ATAD3A: variants seen among roughly 807,000 people sequenced by gnomAD.
The protein encoded by ATAD3A is ATPase family AAA domain-containing protein 3A.
ATAD3A carries 46 observed loss-of-function variants against 73.8 expected under a neutral mutation model. The observed-to-expected ratio is 0.62, with a 90% CI of 0.49 to 0.80. The LOEUF is 0.80. Among genes scored for constraint, ATAD3A ranks in the 30% least tolerant of loss-of-function variants. The pLI, the probability that ATAD3A is intolerant of heterozygous loss-of-function variation, is 0.00. For synonymous variants in ATAD3A, 319 were observed against 350.0 expected, an observed-to-expected ratio of 0.91 and a Z score of 0.99; for missense variants, 705 against 838.0, an observed-to-expected ratio of 0.84 and a Z score of 1.96.
intron 5 of ATAD3A, among the ~76,000 whole-genome samples, 155 bp downstream of exon 5, chr1:1,519,145 C>A (rs531377419): frequency 6.6e-6 from 1 of 151,662 alleles, no homozygotes; most frequent in Non-Finnish European, 1.5e-5. Context: ...GGCTGCCTCT[C>A]GGAAGACACC....
Position 1,523,900 on chromosome 1 carries a change from G to T in ATAD3A, c.1025G>T (p.Arg342Leu), listed in dbSNP as rs771376142. The change falls in exon 10 of 16, where the codon CGC becomes CTC. Residue 342 changes from arginine (R) to leucine (L), a missense_variant. By Grantham distance (102) the Arg-to-Leu change is moderately radical (BLOSUM62 -2). Coordinates refer to ENST00000378756, the MANE Select transcript of ATAD3A (RefSeq NM_001170535.3). This position sits in a 1 kb window ranked among gnomAD's most constrained non-coding sequence, Gnocchi z 5.1. ...AIATRNTKKNRSLYRNILMYG... is the reference protein window; with the variant it reads ...AIATRNTKKNLSLYRNILMYG... ...GCAACAAGGAACACCAAGAAGAACC[G>T]CAGCCTGTACAGGAACATCCTGATG... The T allele has an allele frequency of 6.2e-7, 1 of 1,613,934 alleles. No homozygotes were observed. The highest frequency in any genetic ancestry group is 8.5e-7 in the Non-Finnish European group (1 of 1,180,024).
At position 1,520,626 on chromosome 1, in the gene ATAD3A, A is replaced by G; in HGVS notation, c.750+9A>G. On this transcript the variant is annotated intron_variant, in intron 7 of 15. Coordinates refer to ENST00000378756, the MANE Select transcript of ATAD3A (RefSeq NM_001170535.3). The surrounding 1 kb of genome is among the most constrained non-coding windows in gnomAD (Gnocchi z 4.0). ...ACAAAGTGACAGCCACGGTAAACAT[A>G]CTCATAAAACAGGGCTGGCAGGTGG... 2 of 1,613,160 alleles carry G rather than the reference A, an allele frequency of 1.2e-6. No individual in the cohort carries two copies. The highest frequency in any genetic ancestry group is 1.7e-6 in the Non-Finnish European group (2 of 1,179,832).
At chr1:1,529,973 A>G (rs879500034) in intron 15 of ATAD3A, among the ~76,000 whole-genome samples, 4 of 152,234 alleles carry the variant, frequency 2.6e-5, no homozygotes, top group Non-Finnish European at 4.4e-5. Context: ...CACAGGCATC[A>G]CCACCTCTGG....
intron 7 of ATAD3A, among the ~76,000 whole-genome samples, chr1:1,522,103 G>A (rs1240404923): frequency 2.0e-5 from 3 of 151,814 alleles, no homozygotes; most frequent in South Asian, 2.1e-4. Flanking sequence ...GTAGTGGCGC[G>A]GGTCCAGCTC....
chr1:1,524,276 C>G lies in ATAD3A; in HGVS notation c.1093C>G (p.Leu365Val). 1 of 1,613,940 alleles carries G rather than the reference C, an allele frequency of 6.2e-7. No homozygotes were observed. Among genetic ancestry groups the G allele is most frequent in the Non-Finnish European group, 8.5e-7 (1 of 1,179,850 alleles). Residue 365 changes from leucine to valine, a missense_variant, in exon 11 of 16, where the codon CTC becomes GTC. Around this residue, in one of 5 missense-constraint regions of ATAD3A, gnomAD observed 315 missense variants for 334.1 expected, o/e 0.94. Coordinates refer to ENST00000378756, the MANE Select transcript of ATAD3A (RefSeq NM_001170535.3). ...GTGKTLFAKK[L>V]ALHSGMDYAI... is the part of the protein sequence containing the mutation. Reference sequence around the variant, plus strand: ...TCCCCTCACTCTTCCTGTCCAGAAACTCGCCCTGCACTCAGGCATGGACTA... The same window carrying G: ...TCCCCTCACTCTTCCTGTCCAGAAAGTCGCCCTGCACTCAGGCATGGACTA...
chr1:1,514,157 A>G (rs888174735), intron 1 of ATAD3A, among the ~76,000 whole-genome samples: 5 of 152,168 alleles, frequency 3.3e-5, no homozygotes, highest in Non-Finnish European at 7.3e-5. Context: ...GAGAGGCCAC[A>G]CGGGCACCTG....
At chr1:1,521,706 T>G (rs1188938280) in intron 7 of ATAD3A, among the ~76,000 whole-genome samples, 2 of 152,198 alleles carry the variant, frequency 1.3e-5, no homozygotes, top group East Asian at 3.8e-4. Flanking sequence ...TGACTTTTGT[T>G]TGTTTGTTTT....
rs562374256 is a variant in ATAD3A, at chr1:1,523,146, G to A, written c.906+247G>A. On this transcript the variant is annotated intron_variant, in intron 8 of 15. Coordinates refer to ENST00000378756, the MANE Select transcript of ATAD3A (RefSeq NM_001170535.3). The surrounding 1 kb of genome is among the most constrained non-coding windows in gnomAD (Gnocchi z 5.1). Reference sequence around the variant, plus strand: ...TCTTGATGGGGCCTGGGAGCACATCGGGGTCCTTGCAAGACCCGGGACTTG... The same window carrying A: ...TCTTGATGGGGCCTGGGAGCACATCAGGGTCCTTGCAAGACCCGGGACTTG... Among the ~76,000 whole-genome samples, 7 of 151,924 alleles carry A rather than the reference G, an allele frequency of 4.6e-5. No homozygotes were observed. Among genetic ancestry groups the A allele is most frequent in the Non-Finnish European group, 8.8e-5 (6 of 67,994 alleles).
At chr1:1,516,375 T>G (rs1417453545) in intron 2 of ATAD3A, among the ~76,000 whole-genome samples, 1 of 152,222 alleles carries the variant, frequency 6.6e-6, no homozygotes, top group Non-Finnish European at 1.5e-5. Context: ...GGCCTGGATC[T>G]TCTCATTTCA....
chr1:1,527,546 G>A (rs2100677380), intron 13 of ATAD3A, 149 bp from the exon 14 acceptor site: 1 of 1,203,328 alleles, frequency 8.3e-7, no homozygotes, highest in Non-Finnish European at 1.1e-6. Flanking sequence ...GCTGGGTGCA[G>A]TGGGGCAGGT....
intron 14 of ATAD3A, 85 bp from the exon 15 acceptor site, chr1:1,529,138 C>G: frequency 6.4e-7 from 1 of 1,558,072 alleles, no homozygotes; most frequent in Non-Finnish European, 8.7e-7. Flanking sequence ...GCGTGGGTGT[C>G]GGCCTCGCTG....
At position 1,526,492 on chromosome 1, in the gene ATAD3A, T is replaced by G. The variant is rs1196629268; in HGVS notation, c.1298T>G (p.Leu433Arg). ...ATAAGCGAGGACCTCAGGGCCACACTGAACGCCTTCCTGTACCGCACGGGC... is the reference window on the plus strand; with the variant it reads ...ATAAGCGAGGACCTCAGGGCCACACGGAACGCCTTCCTGTACCGCACGGGC... Reference protein sequence around the residue: ...EKISEDLRATLNAFLYRTGQH... With the variant: ...EKISEDLRATRNAFLYRTGQH... Residue 433 changes from leucine (L) to arginine (R), a missense_variant, in exon 13 of 16, where the codon CTG becomes CGG. By Grantham distance (102) the Leu-to-Arg change is moderately radical. Around this residue, in one of 5 missense-constraint regions of ATAD3A, gnomAD observed 252 missense variants for 278.5 expected, o/e 0.90. Coordinates refer to ENST00000378756, the MANE Select transcript of ATAD3A (RefSeq NM_001170535.3). 1 of 1,612,832 alleles carries G rather than the reference T, an allele frequency of 6.2e-7. No homozygotes were observed. Among genetic ancestry groups the G allele is most frequent in the East Asian group, 2.2e-5 (1 of 44,868 alleles).
chr1:1,515,703 T>A (rs1253014269), intron 1 of ATAD3A, among the ~76,000 whole-genome samples: 1 of 152,252 alleles, frequency 6.6e-6, no homozygotes. Context: ...GAGGACACTT[T>A]AGCCATCGCC....
intron 15 of ATAD3A, among the ~76,000 whole-genome samples, chr1:1,531,015 C>T (rs1015289142): frequency 2.6e-5 from 4 of 151,856 alleles, no homozygotes; most frequent in African/African-American, 9.7e-5. Flanking sequence ...ATTACCCCGG[C>T]ACATTTGTGG....
intron 1 of ATAD3A, among the ~76,000 whole-genome samples, chr1:1,513,170 T>C (rs1330389300): frequency 6.6e-6 from 1 of 152,204 alleles, no homozygotes; most frequent in Non-Finnish European, 1.5e-5. Flanking sequence ...ATTTTAACCA[T>C]CAGGTTAGGA....
In ATAD3A at chr1:1,525,298, G is replaced by A; in HGVS notation, c.1266+7G>A. ...CCTTCGGAAGCGAGCCACCGTGAGT[G>A]TCACTAAGCCTCTGGCCACAATGGG... On this transcript the variant is annotated splice_region_variant and intron_variant, in intron 12 of 15. Coordinates refer to ENST00000378756, the MANE Select transcript of ATAD3A (RefSeq NM_001170535.3). 1 of 1,612,972 alleles carries A rather than the reference G, an allele frequency of 6.2e-7. No individual in the cohort carries two copies. Among genetic ancestry groups the A allele is most frequent in the Non-Finnish European group, 8.5e-7 (1 of 1,179,470 alleles).
intron 1 of ATAD3A, among the ~76,000 whole-genome samples, chr1:1,514,906 G>A (rs181664333): frequency 3.0e-4 from 45 of 152,246 alleles, no homozygotes; most frequent in East Asian, 2.9e-3. Context: ...TGGAGTTGCC[G>A]TCCGTCGCCC....
Position 1,527,850 on chromosome 1 carries a change from C to T in ATAD3A, c.1493C>T (p.Thr498Ile). The T allele has an allele frequency of 6.2e-7, 1 of 1,613,054 alleles. No homozygotes were observed. The highest frequency in any genetic ancestry group is 1.1e-5 in the South Asian group (1 of 91,000). Residue 498 changes from threonine to isoleucine, a missense_variant, in exon 14 of 16, where the codon ACA becomes ATA. By Grantham distance (89) the Thr-to-Ile change is moderately conservative. This residue lies in a region of ATAD3A where 252 missense variants were observed against 278.5 expected (regional missense o/e 0.90). Transcript: ENST00000378756. ...YFDKYVLKPA[T>I]EGKQRLKLAQ... Reference sequence around the variant, plus strand: ...GACAAGTATGTTCTTAAGCCGGCCACAGAAGGAAAGCAGTAAGTGTCCCGC... The same window carrying T: ...GACAAGTATGTTCTTAAGCCGGCCATAGAAGGAAAGCAGTAAGTGTCCCGC...
chr1:1,515,966 C>T, intron 1 of ATAD3A, 46 bp from the exon 2 acceptor site: 8 of 1,610,062 alleles, frequency 5.0e-6, no homozygotes, highest in Non-Finnish European at 5.9e-6. Flanking sequence ...TGCCCAGCGG[C>T]ATCCGTGTAT....
Sources: gnomAD v4.1 joint callset for allele counts (sites outside exome capture counted in the v4.1 genomes callset) on GRCh38, gnomAD v4.1.1 for gene constraint, gnomAD v4.1.1 regional missense constraint, Gnocchi (gnomAD v3.1) non-coding constraint, MANE v1.5 for transcripts, NCBI Gene and HGNC (gene_info 2026-07-23, HGNC 2026-07-21) for gene names.